Variants in KCNH8 observed in about 807,000 individuals in gnomAD.
The protein encoded by KCNH8 is voltage-gated delayed rectifier potassium channel KCNH8.
A neutral mutation model predicts 103.6 loss-of-function variants in KCNH8; 70 were observed. That is an observed-to-expected ratio of 0.68 (90% CI 0.56 to 0.82). The LOEUF is 0.82. Among genes scored for constraint, KCNH8 ranks in the 40% least tolerant of loss-of-function variants. KCNH8 has a pLI of 0.00. For missense variants in KCNH8, 1,217 were observed against 1,329.9 expected, an observed-to-expected ratio of 0.92 and a Z score of 1.32; for synonymous variants, 498 against 489.4, an observed-to-expected ratio of 1.02 and a Z score of -0.23.
intron 3 of KCNH8, chr3:19,314,928 C>G (rs555104914): frequency 2.9e-4 from 45 of 154,128 alleles, no homozygotes; most frequent in Non-Finnish European, 6.0e-4. Context: ...ATATCCAGTT[C>G]TTAAATTGTA....
In KCNH8 at chr3:19,420,209, G is replaced by A. The variant is rs374667634; in HGVS notation, c.1178-17955G>A. On this transcript the variant is annotated intron_variant, in intron 7 of 15. Transcript: ENST00000328405. ...TACGGCTGCCACTGCTGCTGTGGTT[G>A]TTTTAACTATCATTGCTATTCTTAA... Among the ~76,000 whole-genome samples, 5 of 152,280 alleles carry A rather than the reference G, an allele frequency of 3.3e-5. No individual in the cohort carries two copies. The East Asian group carries it at 9.7e-4, about 29-fold the overall frequency.
At chr3:19,246,769 A>G (rs2064212132) in intron 1 of KCNH8, among the ~76,000 whole-genome samples, 1 of 152,136 alleles carries the variant, frequency 6.6e-6, no homozygotes, top group South Asian at 2.1e-4. Flanking sequence ...TAATGTGTAT[A>G]TGAATCTTGT....
chr3:19,238,093 A>C (rs1184541848), intron 1 of KCNH8, among the ~76,000 whole-genome samples: 1 of 152,232 alleles, frequency 6.6e-6, no homozygotes, highest in Non-Finnish European at 1.5e-5. Flanking sequence ...GAAGTCATCT[A>C]GGCTGTTTCT....
intron 11 of KCNH8, among the ~76,000 whole-genome samples, chr3:19,460,399 C>T (rs2067604287): frequency 6.6e-6 from 1 of 152,118 alleles, no homozygotes. Context: ...GAGTACTACC[C>T]CTTGCTGTTC....
chr3:19,450,944 C>A, intron 9 of KCNH8: 1 of 559,426 alleles, frequency 1.8e-6, no homozygotes, highest in Non-Finnish European at 3.2e-6. Context: ...TCTGTTTCTC[C>A]AGACTTCTTA....
At chr3:19,496,163 T>C (rs1284020774) in intron 11 of KCNH8, among the ~76,000 whole-genome samples, 12 of 152,162 alleles carry the variant, frequency 7.9e-5, no homozygotes, top group Non-Finnish European at 1.6e-4. Flanking sequence ...TTTGACTTTC[T>C]CTCTTATTTG....
At chr3:19,330,244 A>G (rs1348536693) in intron 3 of KCNH8, among the ~76,000 whole-genome samples, 2 of 152,176 alleles carry the variant, frequency 1.3e-5, no homozygotes, top group Admixed American at 6.5e-5. Flanking sequence ...GGCTCAGACC[A>G]GAGGCCAGTT....
chr3:19,213,859 GA>G (rs2063793482), intron 1 of KCNH8, among the ~76,000 whole-genome samples: 1 of 152,160 alleles, frequency 6.6e-6, no homozygotes, highest in Admixed American at 6.5e-5. Flanking sequence ...GACATCTAGT[GA>G]AGTCTACTCC....
intron 3 of KCNH8, among the ~76,000 whole-genome samples, chr3:19,292,101 T>C (rs555986654): frequency 1.4e-3 from 217 of 152,320 alleles, no homozygotes; most frequent in African/African-American, 4.9e-3. Flanking sequence ...CAGTTGAGTA[T>C]AATAATACAT....
At chr3:19,196,477 T>C (rs2063603566) in intron 1 of KCNH8, among the ~76,000 whole-genome samples, 1 of 151,992 alleles carries the variant, frequency 6.6e-6, no homozygotes, top group Non-Finnish European at 1.5e-5. Flanking sequence ...AAAAAGATCT[T>C]GGCTTCATTG....
chr3:19,373,500 T>C (rs1322904962), intron 5 of KCNH8, among the ~76,000 whole-genome samples: 3 of 152,098 alleles, frequency 2.0e-5, no homozygotes, highest in East Asian at 3.9e-4. Flanking sequence ...ATTCTTCTCT[T>C]TTTTTCTTTA....
chr3:19,438,193 G>A lies in KCNH8; in HGVS notation c.1207G>A (p.Glu403Lys), dbSNP rs1187697025. ...GWLHELGKRL[E>K]SPYYGNNTLG... is the part of the protein sequence containing the mutation. ...GCTTCATGAGTTGGGAAAGAGACTGGAATCTCCATACTATGGCAACAATAC... is the reference window on the plus strand; with the variant it reads ...GCTTCATGAGTTGGGAAAGAGACTGAAATCTCCATACTATGGCAACAATAC... The change falls in exon 8 of 16, where the codon GAA becomes AAA. Residue 403 changes from glutamate to lysine, a missense_variant. Around this residue, in one of 3 missense-constraint regions of KCNH8, gnomAD observed 415 missense variants for 577.4 expected, o/e 0.72. Coordinates refer to ENST00000328405, the MANE Select transcript of KCNH8 (RefSeq NM_144633.3). 6.2e-7 allele frequency: 1 copy of A among 1,613,880 alleles called. No homozygotes were observed. The highest frequency in any genetic ancestry group is 8.5e-7 in the Non-Finnish European group (1 of 1,180,002).
chr3:19,488,976 G>A (rs1451243103), intron 11 of KCNH8, among the ~76,000 whole-genome samples: 5 of 152,094 alleles, frequency 3.3e-5, no homozygotes, highest in African/African-American at 4.8e-5. Flanking sequence ...TTCCAATTGA[G>A]GAGGTCAGCA....
intron 15 of KCNH8, among the ~76,000 whole-genome samples, chr3:19,526,759 T>A (rs2069072120): frequency 6.6e-6 from 1 of 151,998 alleles, no homozygotes; most frequent in Admixed American, 6.6e-5. Context: ...CTGCTAGAGA[T>A]ATACTGACAC....
chr3:19,438,479 A>G, intron 8 of KCNH8, 118 bp downstream of exon 8: 1 of 851,632 alleles, frequency 1.2e-6, no homozygotes, highest in Non-Finnish European at 1.8e-6. Flanking sequence ...GGAAGATTCT[A>G]AAAGCACTAA....
intron 7 of KCNH8, among the ~76,000 whole-genome samples, chr3:19,426,478 C>A (rs1296690874): frequency 2.0e-5 from 3 of 151,110 alleles, no homozygotes; most frequent in Non-Finnish European, 4.4e-5. Flanking sequence ...GATAGATATG[C>A]ATATTGGGGC....
chr3:19,441,239 C>T (rs1489119949), intron 8 of KCNH8, among the ~76,000 whole-genome samples: 1 of 152,190 alleles, frequency 6.6e-6, no homozygotes, highest in Non-Finnish European at 1.5e-5. Flanking sequence ...AGCTCCTGCT[C>T]TGTGTTTCTA....
At chr3:19,225,985 G>A (rs1179332681) in intron 1 of KCNH8, among the ~76,000 whole-genome samples, 1 of 152,186 alleles carries the variant, frequency 6.6e-6, no homozygotes, top group Non-Finnish European at 1.5e-5. Flanking sequence ...GATATCATTA[G>A]CAATGCACAT....
intron 5 of KCNH8, among the ~76,000 whole-genome samples, chr3:19,356,706 T>C (rs1331480433): frequency 2.0e-5 from 3 of 151,936 alleles, no homozygotes; most frequent in Non-Finnish European, 4.4e-5. Context: ...AACTGTGCAT[T>C]AGTGATTTGC....
Sources: allele counts gnomAD v4.1 joint callset (sites outside exome capture counted in the v4.1 genomes callset), GRCh38; gene constraint gnomAD v4.1.1; regional missense constraint gnomAD v4.1.1; transcripts MANE v1.5; gene names NCBI Gene and HGNC (gene_info 2026-07-23, HGNC 2026-07-21).